The following HELLS variants were observed in gnomAD, a reference collection of about 807,000 sequenced individuals.
The protein encoded by HELLS is helicase, lymphoid specific, also known as lymphoid-specific helicase.
Under a neutral mutation model 120.0 loss-of-function variants are expected in HELLS, and 32 were observed. The ratio of observed to expected loss-of-function variants is 0.27; its 90% confidence interval spans 0.20 to 0.36. The LOEUF is 0.36. HELLS is among the 10% of genes least tolerant of loss of function. The pLI is 1.00. For synonymous variants in HELLS, 341 were observed against 323.4 expected (o/e 1.05, Z -0.58); for missense variants, 650 against 993.4 (o/e 0.65, Z 4.65).
chr10:94,602,323 A>G (rs1846069215), downstream of HELLS, among the ~76,000 whole-genome samples: 1 of 152,220 alleles, frequency 6.6e-6, no homozygotes, highest in Non-Finnish European at 1.5e-5. Flanking sequence ...GTAGTGTATC[A>G]TGCAAAACAA....
intron 6 of HELLS, among the ~76,000 whole-genome samples, chr10:94,564,056 C>T (rs181283586): frequency 1.0e-3 from 152 of 152,246 alleles, no homozygotes; most frequent in Middle Eastern, 3.4e-3. Flanking sequence ...GGGATCCACC[C>T]GCCTTGGCCT....
chr10:94,597,533 T>C (rs1845797586), intron 21 of HELLS, among the ~76,000 whole-genome samples: 1 of 152,188 alleles, frequency 6.6e-6, no homozygotes, highest in Non-Finnish European at 1.5e-5. Flanking sequence ...ATTTATTTTA[T>C]TTTATTTTAT....
At chr10:94,591,749 C>G (rs1845500853) in intron 15 of HELLS, among the ~76,000 whole-genome samples, 1 of 152,146 alleles carries the variant, frequency 6.6e-6, no homozygotes, top group Non-Finnish European at 1.5e-5. Context: ...AAAACTTTCC[C>G]ACTCAAATGA....
chr10:94,605,885 G>T (rs188242218), downstream of HELLS, among the ~76,000 whole-genome samples: 87 of 152,018 alleles, frequency 5.7e-4, no homozygotes, highest in East Asian at 5.0e-3. Flanking sequence ...CCCCGGCTTG[G>T]CCTCCCAAAG....
chr10:94,590,873 G>A (rs1845452789), intron 15 of HELLS, 97 bp downstream of exon 15: 4 of 654,646 alleles, frequency 6.1e-6, no homozygotes, highest in Admixed American at 3.7e-5. Flanking sequence ...TTAAAAATAA[G>A]TATGGTGCTA....
At chr10:94,574,820 C>T (rs1844351144) in intron 9 of HELLS, 84 bp downstream of exon 9, 2 of 1,084,706 alleles carry the variant, frequency 1.8e-6, no homozygotes, top group Non-Finnish European at 2.7e-6. Flanking sequence ...TTGTAGAACT[C>T]TTATAATTAT....
chr10:94,603,336 A>T (rs1846087535), downstream of HELLS, among the ~76,000 whole-genome samples: 1 of 152,050 alleles, frequency 6.6e-6, no homozygotes, highest in African/African-American at 2.4e-5. Context: ...ATTTTACTTG[A>T]TCTATTAGCA....
At position 94,612,118 on chromosome 10, in the gene HELLS, A is replaced by G. The variant is rs1453981721; in HGVS notation, c.*2267A>G. On this transcript the variant is annotated 3_prime_UTR_variant, in exon 10 of 10. Transcript: ENST00000371327. Reference sequence around the variant, plus strand: ...TACCAGTGAAGGCTCCATCCAAACCAGTGTTTGGGGGCATAGTCATAATTG... The same window carrying G: ...TACCAGTGAAGGCTCCATCCAAACCGGTGTTTGGGGGCATAGTCATAATTG... 2.6e-5 allele frequency: 4 copies of G among 152,288 alleles called. No homozygotes were observed. The East Asian group carries it at 5.8e-4, about 22-fold the overall frequency. 9.4% of individuals were successfully genotyped at this position (152,288 alleles called of 1,614,324 possible).
rs2134108011 is a variant in HELLS, at chr10:94,590,702, A to G, written c.1693A>G (p.Met565Val). 10 of 1,606,422 alleles carry G rather than the reference A, an allele frequency of 6.2e-6. No individual in the cohort carries two copies. The highest frequency in any genetic ancestry group is 8.5e-6 in the Non-Finnish European group (10 of 1,173,714). Residue 565 changes from methionine (M) to valine (V), a missense_variant, in exon 15 of 22, where the codon ATG becomes GTG. Coordinates refer to ENST00000348459, the MANE Select transcript of HELLS (RefSeq NM_018063.5). ...TAATCTGAAGCTGCAGAATATAATG[A>G]TGCTACTTCGTAAATGTTGTAATCA... The part of the protein sequence containing the change: ...EVNLKLQNIM[M>V]LLRKCCNHPY...
chr10:94,611,380 C>A (rs1589774809), exon 10 of HELLS: 1 of 151,958 alleles, frequency 6.6e-6, no homozygotes. Flanking sequence ...ACTTAATGTT[C>A]AATAACTCAA....
Position 94,581,365 on chromosome 10 carries a change from A to G in HELLS, c.1072A>G (p.Arg358Gly). ...ATACTTAATAGTAGATGAAGGACACAGGATTAAGAATATGAAGTGCCGTCT... is the reference window on the plus strand; with the variant it reads ...ATACTTAATAGTAGATGAAGGACACGGGATTAAGAATATGAAGTGCCGTCT... The part of the protein sequence containing the change: ...WKYLIVDEGH[R>G]IKNMKCRLIR... The change falls in exon 11 of 22, where the codon AGG (arginine) becomes GGG (glycine). Residue 358 changes from arginine (R) to glycine (G), a missense_variant. Physicochemically the swap from Arg to Gly is moderately radical, Grantham distance 125 (BLOSUM62 -2). Around this residue, in one of 9 missense-constraint regions of HELLS, gnomAD observed 48 missense variants for 127.0 expected, o/e 0.38. Coordinates refer to ENST00000348459, the MANE Select transcript of HELLS (RefSeq NM_018063.5). 6.2e-7 allele frequency: 1 copy of G among 1,602,844 alleles called. No homozygotes were observed. The highest frequency in any genetic ancestry group is 1.1e-5 in the South Asian group (1 of 88,216).
chr10:94,577,830 G>C (rs1306122650), intron 10 of HELLS, among the ~76,000 whole-genome samples: 1 of 152,138 alleles, frequency 6.6e-6, no homozygotes, highest in East Asian at 1.9e-4. Context: ...GGGAGGCCGA[G>C]GCGGGTGGAT....
chr10:94,572,587 G>C (rs1480902238), intron 7 of HELLS, among the ~76,000 whole-genome samples: 1 of 152,134 alleles, frequency 6.6e-6, no homozygotes, highest in African/African-American at 2.4e-5. Flanking sequence ...TTATTGATGG[G>C]CATTTGGGTT....
At chr10:94,609,361 A>T (rs1846165444) in intron 9 of HELLS, among the ~76,000 whole-genome samples, 1 of 152,140 alleles carries the variant, frequency 6.6e-6, no homozygotes, top group African/African-American at 2.4e-5. Flanking sequence ...GCATTTCATT[A>T]GCTTCTCTTT....
At chr10:94,601,268 C>T (rs928246727) in intron 21 of HELLS, among the ~76,000 whole-genome samples, 9 of 152,020 alleles carry the variant, frequency 5.9e-5, no homozygotes, top group Non-Finnish European at 1.2e-4. Flanking sequence ...TCAGCAAAAG[C>T]GATTTTGACT....
chr10:94,576,761 A>G lies in HELLS; in HGVS notation c.988A>G (p.Ile330Val), dbSNP rs1296521550. 1.2e-6 allele frequency: 2 copies of G among 1,611,390 alleles called. No homozygotes were observed. Among genetic ancestry groups the G allele is most frequent in the South Asian group, 1.1e-5 (1 of 90,568 alleles). Residue 330 changes from isoleucine (I) to valine (V), a missense_variant, in exon 10 of 22, where the codon ATC becomes GTC. By Grantham distance (29) the Ile-to-Val change is conservative. Coordinates refer to ENST00000348459, the MANE Select transcript of HELLS (RefSeq NM_018063.5). ...KGTLQIHPVV[I>V]TSFEIAMRDR... ...GACTTTGCAGATTCATCCTGTGGTA[A>G]TCACGTCATTTGAAATAGCCATGAG... is the stretch of plus-strand genomic sequence containing the variant.
exon 10 of HELLS, chr10:94,612,840 C>G (rs1846207732): frequency 6.6e-6 from 1 of 152,200 alleles, no homozygotes; most frequent in African/African-American, 2.4e-5. Context: ...GCATGAGAAT[C>G]ACTTGAACCC....
Position 94,590,446 on chromosome 10 carries a change from CCAAAACGACGAACTAG to C in HELLS, c.1523_1538del (p.Pro508GlnfsTer4). Reference sequence around the variant, plus strand: ...AATTGAGTTAAGTCCTACTGGTCGACCAAAACGACGAACTAGAAAATCAATAAATTACAGCAAAATA... The same window carrying C: ...AATTGAGTTAAGTCCTACTGGTCGACAAAATCAATAAATTACAGCAAAATA... On this transcript the variant is annotated frameshift_variant, in exon 14 of 22. Transcript: ENST00000348459. LOFTEE classifies it high-confidence loss of function. 1 of 1,609,736 alleles carries C rather than the reference CCAAAACGACGAACTAG, an allele frequency of 6.2e-7. No individual in the cohort carries two copies. Among genetic ancestry groups the C allele is most frequent in the Non-Finnish European group, 8.5e-7 (1 of 1,179,196 alleles).
intron 4 of HELLS, among the ~76,000 whole-genome samples, chr10:94,560,321 T>G (rs528452045): frequency 7.9e-5 from 12 of 152,196 alleles, no homozygotes; most frequent in Non-Finnish European, 1.8e-4. Flanking sequence ...GTTATTTGAT[T>G]CTTAGACTAG....
Sources: gnomAD v4.1 joint callset for allele counts (sites outside exome capture counted in the v4.1 genomes callset) on GRCh38, gnomAD v4.1.1 for gene constraint, gnomAD v4.1.1 regional missense constraint, MANE v1.5 for transcripts, NCBI Gene and HGNC (gene_info 2026-07-23, HGNC 2026-07-21) for gene names.